Variants in GPR137C observed in about 807,000 individuals in gnomAD.
GPR137C encodes integral membrane protein GPR137C.
In GPR137C, 27 loss-of-function variants were observed where a neutral mutation model predicts 43.4. That is an observed-to-expected ratio of 0.62 (90% confidence interval 0.46 to 0.86). The LOEUF (loss-of-function observed/expected upper bound fraction) is 0.86, where lower values mean the gene tolerates loss of function less well. Ranked by LOEUF, GPR137C falls within the 40% of genes least tolerant of loss-of-function variation. The probability of loss-of-function intolerance (pLI) is 0.00; values close to 1 mark genes in which losing one functional copy is unlikely to be tolerated. For synonymous variants in GPR137C, 285 were observed against 226.9 expected, an observed-to-expected ratio of 1.26 and a Z score of -2.30; for missense variants, 522 against 534.6, an observed-to-expected ratio of 0.98 and a Z score of 0.23.
In GPR137C at chr14:52,595,820, A is replaced by T. The variant is rs531965585; in HGVS notation, c.445-2452A>T. 5.3e-5 allele frequency among the ~76,000 whole-genome samples: 8 copies of T among 152,306 alleles called. No individual in the cohort carries two copies. The East Asian group carries it at 1.5e-3, about 29-fold the overall frequency. The stretch of plus-strand genomic sequence containing the variant: ...TGACCTTTTGAAGCCTACTTCTGTC[A>T]ACTCGTCAAACTCGTTCTCCATCCA... On this transcript the variant is annotated intron_variant, in intron 1 of 6. Transcript: ENST00000321662.
intron 3 of GPR137C, among the ~76,000 whole-genome samples, chr14:52,622,119 A>G (rs528465522): frequency 6.6e-6 from 1 of 152,072 alleles, no homozygotes; most frequent in African/African-American, 2.4e-5. Flanking sequence ...TATGAAGAAA[A>G]TCCATCCTCA....
intron 3 of GPR137C, among the ~76,000 whole-genome samples, chr14:52,618,642 A>G (rs1227695908): frequency 6.6e-6 from 1 of 152,154 alleles, no homozygotes; most frequent in Non-Finnish European, 1.5e-5. Flanking sequence ...AATGAAGTAA[A>G]TATGCTTTTT....
chr14:52,589,417 A>G (rs1274062996), intron 1 of GPR137C, among the ~76,000 whole-genome samples: 1 of 152,166 alleles, frequency 6.6e-6, no homozygotes, highest in Non-Finnish European at 1.5e-5. Flanking sequence ...TAAAAATTAA[A>G]TAAATCATGT....
At chr14:52,612,692 G>A (rs945305057) in intron 3 of GPR137C, 1 of 167,138 alleles carries the variant, frequency 6.0e-6, no homozygotes, top group African/African-American at 2.4e-5. Flanking sequence ...CTCCCAAGTA[G>A]CTAGAACTGC....
chr14:52,568,685 G>T (rs148157420), intron 1 of GPR137C, among the ~76,000 whole-genome samples: 9 of 152,368 alleles, frequency 5.9e-5, no homozygotes, highest in African/African-American at 2.2e-4. Context: ...CTGGAAGTTA[G>T]AACTGGGCGG....
chr14:52,598,363 T>C (rs917390651), intron 2 of GPR137C, 48 bp downstream of exon 2: 7 of 781,746 alleles, frequency 9.0e-6, no homozygotes, highest in Non-Finnish European at 1.4e-5. Context: ...TCTAAAGCAT[T>C]AATTCATTAA....
intron 4 of GPR137C, among the ~76,000 whole-genome samples, chr14:52,632,804 G>T (rs1018312579): frequency 1.3e-5 from 2 of 151,996 alleles, no homozygotes; most frequent in African/African-American, 4.8e-5. Context: ...AGTTCCTTGG[G>T]TGTCCAGGTA....
intron 3 of GPR137C, among the ~76,000 whole-genome samples, chr14:52,625,176 A>G (rs1267335027): frequency 1.3e-5 from 2 of 152,170 alleles, no homozygotes; most frequent in African/African-American, 4.8e-5. Flanking sequence ...CCAATAGTAT[A>G]CAAACTCTTA....
intron 3 of GPR137C, among the ~76,000 whole-genome samples, chr14:52,603,617 T>G (rs1458960526): frequency 6.6e-6 from 1 of 152,070 alleles, no homozygotes; most frequent in African/African-American, 2.4e-5. Flanking sequence ...TCGCTGCAAC[T>G]TCTGCCTCCC....
chr14:52,580,681 A>G (rs1340862626), intron 1 of GPR137C, among the ~76,000 whole-genome samples: 6 of 151,664 alleles, frequency 4.0e-5, no homozygotes, highest in Admixed American at 3.9e-4. Flanking sequence ...AATTTTTTTA[A>G]GCATTAGGGT....
At chr14:52,559,425 A>G (rs2038245542) in intron 1 of GPR137C, among the ~76,000 whole-genome samples, 1 of 152,206 alleles carries the variant, frequency 6.6e-6, no homozygotes, top group East Asian at 1.9e-4. Flanking sequence ...GATAAAAGCC[A>G]TATGTGTAGT....
At chr14:52,633,479 T>C in intron 4 of GPR137C, 51 bp from the exon 5 acceptor site, 1 of 1,549,750 alleles carries the variant, frequency 6.5e-7, no homozygotes, top group Non-Finnish European at 8.9e-7. Flanking sequence ...TGGAGGTGAT[T>C]GCTTATACAA....
At chr14:52,623,667 C>CTTCATAATATTT (rs60269761) in intron 3 of GPR137C, among the ~76,000 whole-genome samples, 3 of 151,650 alleles carry the variant, frequency 2.0e-5, no homozygotes, top group Non-Finnish European at 4.4e-5. Flanking sequence ...CTGAAAGAGG[C>CTTCATAATATTT]TTCATAATAT....
At chr14:52,631,773 A>G (rs929258912) in intron 3 of GPR137C, among the ~76,000 whole-genome samples, 3 of 152,284 alleles carry the variant, frequency 2.0e-5, no homozygotes, top group Admixed American at 6.5e-5. Flanking sequence ...TTTGTATCAG[A>G]AATTAAGTGT....
intron 3 of GPR137C, among the ~76,000 whole-genome samples, chr14:52,618,054 G>C (rs1476130328): frequency 6.6e-6 from 1 of 152,078 alleles, no homozygotes; most frequent in South Asian, 2.1e-4. Flanking sequence ...TGACTGGAGA[G>C]GGGTCTTGTA....
intron 3 of GPR137C, among the ~76,000 whole-genome samples, chr14:52,610,351 G>A (rs2039025390): frequency 6.6e-6 from 1 of 152,076 alleles, no homozygotes; most frequent in East Asian, 1.9e-4. Flanking sequence ...TGAAGACAAG[G>A]GTAGTCTCCC....
At chr14:52,597,038 G>A (rs1315127888) in intron 1 of GPR137C, 8 of 454,850 alleles carry the variant, frequency 1.8e-5, no homozygotes, top group Middle Eastern at 7.5e-4. Flanking sequence ...TAAGCGACAC[G>A]TGGCTGTACA....
intron 3 of GPR137C, chr14:52,612,313 TA>T (rs1168593861): frequency 1.1e-6 from 1 of 899,068 alleles, no homozygotes; most frequent in African/African-American, 1.8e-5. Context: ...CTCATGCTAT[TA>T]AAAATTATTT....
chr14:52,598,222 A>T, intron 1 of GPR137C, 50 bp from the exon 2 acceptor site: 1 of 631,146 alleles, frequency 1.6e-6, no homozygotes, highest in Non-Finnish European at 2.7e-6. Flanking sequence ...CATATTTAAG[A>T]ATTCTATATT....
Sources: allele counts gnomAD v4.1 joint callset (sites outside exome capture counted in the v4.1 genomes callset), GRCh38; gene constraint gnomAD v4.1.1; transcripts MANE v1.5; gene names NCBI Gene and HGNC (gene_info 2026-07-23, HGNC 2026-07-21).